Variants in SGCD observed in about 807,000 individuals in gnomAD.
SGCD encodes delta-sarcoglycan.
In SGCD, 18 loss-of-function variants were observed where a neutral mutation model predicts 36.6. The observed-to-expected ratio is 0.49, with a 90% confidence interval of 0.34 to 0.73. SGCD has a LOEUF of 0.73. SGCD is among the 30% of genes least tolerant of loss of function. The pLI is 0.01. For synonymous variants in SGCD, 133 were observed against 130.6 expected (o/e 1.02, Z -0.12); for missense variants, 387 against 346.7 (o/e 1.12, Z -0.92).
intron 4 of SGCD, among the ~76,000 whole-genome samples, chr5:156,558,435 C>A (rs1759130713): frequency 6.6e-6 from 1 of 152,096 alleles, no homozygotes; most frequent in Non-Finnish European, 1.5e-5. Context: ...AACTCCTTGT[C>A]ATGTTGCTGT....
At chr5:155,832,030 G>A in the SGCD span, among the ~76,000 whole-genome samples, 63 of 152,274 alleles carry the variant, frequency 4.1e-4, no homozygotes, top group Non-Finnish European at 7.5e-4. Flanking sequence ...AAAGGAAAGC[G>A]TATTAACTGT....
chr5:156,465,309 G>A (rs1754673815), intron 3 of SGCD, among the ~76,000 whole-genome samples: 1 of 152,166 alleles, frequency 6.6e-6, no homozygotes, highest in African/African-American at 2.4e-5. Flanking sequence ...TAGGTCTGGA[G>A]TGGAGCCATG....
intron 4 of SGCD, among the ~76,000 whole-genome samples, chr5:156,557,584 A>G (rs76012977): frequency 0.029 from 4,471 of 152,278 alleles, 151 homozygotes; most frequent in African/African-American, 0.074. Flanking sequence ...CTTTTAAAAT[A>G]TAGCAGAATT....
chr5:156,406,113 G>T (rs914069287), intron 3 of SGCD, among the ~76,000 whole-genome samples: 5 of 150,980 alleles, frequency 3.3e-5, no homozygotes, highest in Admixed American at 2.6e-4. Context: ...AAGATTGAAT[G>T]ACTGTAATGT....
intron 3 of SGCD, among the ~76,000 whole-genome samples, chr5:156,128,299 G>A (rs1762229394): frequency 6.6e-6 from 1 of 152,144 alleles, no homozygotes; most frequent in Non-Finnish European, 1.5e-5. Flanking sequence ...ATTGTGTAAT[G>A]TTCCAATCAC....
chr5:156,057,822 C>T (rs1760099536), intron 1 of SGCD, among the ~76,000 whole-genome samples: 1 of 145,130 alleles, frequency 6.9e-6, no homozygotes, highest in Admixed American at 6.9e-5. Context: ...ACCATGAGTA[C>T]CTAAGAATGC....
At chr5:156,209,947 C>T (rs757423179) in intron 3 of SGCD, among the ~76,000 whole-genome samples, 25 of 152,182 alleles carry the variant, frequency 1.6e-4, no homozygotes, top group Non-Finnish European at 2.8e-4. Context: ...ATCCCAGGCT[C>T]GTTCCAGTGC....
intron 3 of SGCD, among the ~76,000 whole-genome samples, chr5:156,429,265 CT>C (rs3074973): frequency 0.069 from 8,492 of 123,674 alleles, 650 homozygotes; most frequent in East Asian, 0.25. Flanking sequence ...CCCTCATTGT[CT>C]TTTTTTTTTT....
At chr5:155,828,866 T>C in the SGCD span, among the ~76,000 whole-genome samples, 1 of 152,072 alleles carries the variant, frequency 6.6e-6, no homozygotes, top group African/African-American at 2.4e-5. Flanking sequence ...TTTATATTTT[T>C]AGTAGAGACG....
intron 1 of SGCD, among the ~76,000 whole-genome samples, chr5:155,961,726 C>T (rs922848314): frequency 4.0e-4 from 60 of 151,030 alleles, no homozygotes; most frequent in Non-Finnish European, 7.4e-4. Flanking sequence ...TTTTTTTTTT[C>T]TTTTTTTACT....
intron 6 of SGCD, among the ~76,000 whole-genome samples, chr5:156,617,023 C>A (rs1762046726): frequency 6.6e-6 from 1 of 152,154 alleles, no homozygotes; most frequent in Non-Finnish European, 1.5e-5. Context: ...CTGCTGTATT[C>A]TTCTTCAGGC....
chr5:156,201,049 C>T (rs1054917627), intron 3 of SGCD, among the ~76,000 whole-genome samples: 1 of 152,062 alleles, frequency 6.6e-6, no homozygotes, highest in African/African-American at 2.4e-5. Context: ...CTAAAATAGT[C>T]AGAATCATAG....
chr5:156,078,864 A>G (rs1202255406), intron 1 of SGCD, among the ~76,000 whole-genome samples: 5 of 151,220 alleles, frequency 3.3e-5, no homozygotes, highest in Non-Finnish European at 7.4e-5. Flanking sequence ...GTATATGTTA[A>G]GTTCTATACA....
At chr5:156,199,021 C>A (rs183802486) in intron 3 of SGCD, among the ~76,000 whole-genome samples, 2 of 151,856 alleles carry the variant, frequency 1.3e-5, no homozygotes, top group East Asian at 1.9e-4. Context: ...ATTATCTATT[C>A]GACATGAAGA....
chr5:156,504,392 G>GTATATATATATATATATATATATATATA (rs59580975), intron 3 of SGCD, among the ~76,000 whole-genome samples: 2 of 75,066 alleles, frequency 2.7e-5, no homozygotes, highest in Non-Finnish European at 3.4e-5. Flanking sequence ...GTGTGTGTGT[G>GTATATATATATATATATATATATATATA]TATATATATA....
intron 1 of SGCD, among the ~76,000 whole-genome samples, chr5:156,068,346 C>A (rs989352342): frequency 6.6e-6 from 1 of 151,006 alleles, no homozygotes; most frequent in Non-Finnish European, 1.5e-5. Flanking sequence ...TTGTTCAATT[C>A]CCACTTATGA....
chr5:155,796,580 G>T, the SGCD span, among the ~76,000 whole-genome samples: 1 of 151,776 alleles, frequency 6.6e-6, no homozygotes, highest in Non-Finnish European at 1.5e-5. Context: ...GAGGTGGGTG[G>T]ATCACCTGAG....
At chr5:156,707,606 T>G (rs900874418) in intron 7 of SGCD, among the ~76,000 whole-genome samples, 2 of 152,204 alleles carry the variant, frequency 1.3e-5, no homozygotes, top group Non-Finnish European at 2.9e-5. Context: ...CTGTATATTT[T>G]TAATAAACAA....
chr5:156,362,688 A>C (rs911198131), intron 3 of SGCD, among the ~76,000 whole-genome samples: 4 of 152,164 alleles, frequency 2.6e-5, no homozygotes, highest in Non-Finnish European at 5.9e-5. Flanking sequence ...TAGTGTGACT[A>C]CTGTGAACCT....
Sources: allele counts gnomAD v4.1 joint callset (sites outside exome capture counted in the v4.1 genomes callset), GRCh38; gene constraint gnomAD v4.1.1; transcripts MANE v1.5; gene names NCBI Gene and HGNC (gene_info 2026-07-23, HGNC 2026-07-21).